DYNC1I1: variants seen among roughly 807,000 people sequenced by gnomAD.
DYNC1I1 encodes dynein cytoplasmic 1 intermediate chain 1, also known as cytoplasmic dynein 1 intermediate chain 1.
In DYNC1I1, 43 loss-of-function variants were observed where a neutral mutation model predicts 86.6. That is an observed-to-expected ratio of 0.50 (90% CI 0.39 to 0.64). The LOEUF (loss-of-function observed/expected upper bound fraction) is 0.64. Ranked by LOEUF, DYNC1I1 falls within the 30% of genes least tolerant of loss-of-function variation. The pLI is 0.00. For synonymous variants in DYNC1I1, 262 were observed against 283.7 expected, an observed-to-expected ratio of 0.92 and a Z score of 0.77; for missense variants, 604 against 788.8, an observed-to-expected ratio of 0.77 and a Z score of 2.81.
At chr7:95,812,732 T>G (rs975343589) in intron 3 of DYNC1I1, among the ~76,000 whole-genome samples, 1 of 152,224 alleles carries the variant, frequency 6.6e-6, no homozygotes, top group Non-Finnish European at 1.5e-5. Flanking sequence ...CAGCTTATAT[T>G]CCACAGAGTA....
rs1336835183 is a variant in DYNC1I1, at chr7:95,899,379, T to C, written c.490+29381T>C. Among the ~76,000 whole-genome samples the C allele has an allele frequency of 2.0e-5, 3 of 152,272 alleles. No individual in the cohort carries two copies. In the East Asian group the frequency reaches 5.8e-4, roughly 29 times the overall value. On this transcript the variant is annotated intron_variant, in intron 6 of 16. Coordinates refer to ENST00000447467, the MANE Select transcript of DYNC1I1 (RefSeq NM_001135556.2). ...ACAAACTGGTGCCGGGATGCCTCCATGGGCCATGAAATCTGAATCTTCTGT... is the reference window on the plus strand; with the variant it reads ...ACAAACTGGTGCCGGGATGCCTCCACGGGCCATGAAATCTGAATCTTCTGT...
At chr7:95,918,847 T>C (rs978140412) in intron 6 of DYNC1I1, among the ~76,000 whole-genome samples, 1 of 152,174 alleles carries the variant, frequency 6.6e-6, no homozygotes, top group East Asian at 1.9e-4. Flanking sequence ...ACCATAAATA[T>C]TATCATTTGG....
At chr7:95,886,672 A>G (rs1239584754) in intron 6 of DYNC1I1, among the ~76,000 whole-genome samples, 4 of 152,202 alleles carry the variant, frequency 2.6e-5, no homozygotes, top group Admixed American at 2.0e-4. Flanking sequence ...GAATTAACCA[A>G]GTATGCCACT....
chr7:95,949,319 C>T (rs1792490153), intron 6 of DYNC1I1, among the ~76,000 whole-genome samples: 1 of 152,172 alleles, frequency 6.6e-6, no homozygotes, highest in Non-Finnish European at 1.5e-5. Context: ...TTTACACTTT[C>T]CCCCATGCAA....
intron 10 of DYNC1I1, among the ~76,000 whole-genome samples, chr7:96,015,654 A>T (rs902388545): frequency 4.6e-5 from 7 of 152,142 alleles, no homozygotes; most frequent in Non-Finnish European, 1.0e-4. Flanking sequence ...AAGTACACAT[A>T]AATGTTCCGG....
chr7:96,084,184 C>T (rs552328608), intron 16 of DYNC1I1, among the ~76,000 whole-genome samples: 3 of 152,110 alleles, frequency 2.0e-5, no homozygotes, highest in African/African-American at 7.2e-5. Context: ...GAGCCCTGAG[C>T]TTGGGTCATT....
At chr7:96,001,412 T>C (rs1246522659) in intron 10 of DYNC1I1, among the ~76,000 whole-genome samples, 1 of 152,134 alleles carries the variant, frequency 6.6e-6, no homozygotes, top group Non-Finnish European at 1.5e-5. Context: ...AAGATTATAA[T>C]AAGGATAATA....
intron 9 of DYNC1I1, among the ~76,000 whole-genome samples, chr7:95,992,415 C>T (rs924466868): frequency 6.6e-6 from 1 of 152,144 alleles, no homozygotes; most frequent in Non-Finnish European, 1.5e-5. Flanking sequence ...GCCCAACAGA[C>T]TTTAAGTGGG....
intron 10 of DYNC1I1, among the ~76,000 whole-genome samples, chr7:96,006,910 G>T (rs1794155727): frequency 6.6e-6 from 1 of 152,132 alleles, no homozygotes; most frequent in Non-Finnish European, 1.5e-5. Flanking sequence ...GGTTGGTTGT[G>T]TATCATATCT....
Position 96,097,617 on chromosome 7 carries a change from A to C in DYNC1I1, c.*24A>C. The C allele has an allele frequency of 1.2e-6, 2 of 1,612,994 alleles. No homozygotes were observed. The highest frequency in any genetic ancestry group is 1.7e-6 in the Non-Finnish European group (2 of 1,179,404). The stretch of plus-strand genomic sequence containing the variant: ...AGTGGAAATGAGCCACCCCCACTGC[A>C]GCCCCCACCTTTGTGTCCTAGAGCT... On this transcript the variant is annotated 3_prime_UTR_variant, in exon 17 of 17. Transcript: ENST00000447467.
chr7:95,906,050 C>T (rs1189268271), intron 6 of DYNC1I1, among the ~76,000 whole-genome samples: 1 of 152,252 alleles, frequency 6.6e-6, no homozygotes, highest in South Asian at 2.1e-4. Context: ...ATTGCATGAA[C>T]TATATTTTTT....
chr7:95,958,249 C>G (rs762618768), intron 6 of DYNC1I1, among the ~76,000 whole-genome samples: 4 of 152,104 alleles, frequency 2.6e-5, no homozygotes, highest in Non-Finnish European at 4.4e-5. Flanking sequence ...TAACTTTCTT[C>G]TATGATTAAG....
chr7:95,844,832 ATCTT>A (rs1789383970), intron 5 of DYNC1I1, among the ~76,000 whole-genome samples: 1 of 152,170 alleles, frequency 6.6e-6, no homozygotes, highest in African/African-American at 2.4e-5. Flanking sequence ...GAAGCTGCAA[ATCTT>A]GTGACCTCCA....
At chr7:96,062,693 A>G (rs1011546174) in intron 14 of DYNC1I1, among the ~76,000 whole-genome samples, 3 of 152,172 alleles carry the variant, frequency 2.0e-5, no homozygotes, top group Admixed American at 6.5e-5. Context: ...AACCTATTCA[A>G]CAGTAATTAG....
chr7:95,922,695 T>G (rs1033850549), intron 6 of DYNC1I1, among the ~76,000 whole-genome samples: 3 of 152,144 alleles, frequency 2.0e-5, no homozygotes, highest in Non-Finnish European at 4.4e-5. Flanking sequence ...ATTTTCCTCA[T>G]TGACTTTTAG....
In DYNC1I1 at chr7:95,823,985, G is replaced by T. The variant is rs28522262; in HGVS notation, c.315-4072G>T. Among the ~76,000 whole-genome samples the T allele has an allele frequency of 1.8e-3, 104 of 57,498 alleles. 2 individuals carry two copies. The highest frequency in any genetic ancestry group is 4.3e-3 in the African/African-American group (44 of 10,254). 37.7% of individuals were successfully genotyped at this position (57,498 alleles called of 152,430 possible). On this transcript the variant is annotated intron_variant, in intron 4 of 16. Coordinates refer to ENST00000447467, the MANE Select transcript of DYNC1I1 (RefSeq NM_001135556.2). ...ATATATATATATATATATATGTTTT[G>T]GTTTTTTGTTTTTTTTTTTTTTTTT... is the stretch of plus-strand genomic sequence containing the variant.
intron 14 of DYNC1I1, among the ~76,000 whole-genome samples, chr7:96,068,513 G>A (rs1397152353): frequency 6.6e-6 from 1 of 152,026 alleles, no homozygotes; most frequent in South Asian, 2.1e-4. Flanking sequence ...GACGCAAGAG[G>A]TAGAATTAAA....
chr7:96,065,335 C>G (rs537191759), intron 14 of DYNC1I1, among the ~76,000 whole-genome samples: 1 of 151,422 alleles, frequency 6.6e-6, no homozygotes, highest in Non-Finnish European at 1.5e-5. Context: ...CATAGTCCTC[C>G]TTCTTCTCCA....
At chr7:96,098,890 C>T (rs945929550), downstream of DYNC1I1, among the ~76,000 whole-genome samples, 30 of 152,112 alleles carry the variant, frequency 2.0e-4, no homozygotes, top group Non-Finnish European at 4.3e-4. Context: ...GACAGGCTTT[C>T]GGCTTTTTAG....
Sources: allele counts gnomAD v4.1 joint callset (sites outside exome capture counted in the v4.1 genomes callset), GRCh38; gene constraint gnomAD v4.1.1; transcripts MANE v1.5; gene names NCBI Gene and HGNC (gene_info 2026-07-23, HGNC 2026-07-21).